IMMP2L: variants seen among roughly 807,000 people sequenced by gnomAD.
IMMP2L encodes inner mitochondrial membrane peptidase subunit 2.
IMMP2L carries 18 observed loss-of-function variants against 19.3 expected under a neutral mutation model. The ratio of observed to expected loss-of-function variants is 0.93; its 90% CI spans 0.64 to 1.38. The LOEUF is 1.38. Ranked by LOEUF, IMMP2L falls within the 40% of genes most tolerant of loss-of-function variation. The pLI, the probability that IMMP2L is intolerant of heterozygous loss-of-function variation, is 0.00. For synonymous variants in IMMP2L, 76 were observed against 73.0 expected (o/e 1.04, Z -0.21); for missense variants, 233 against 218.2 (o/e 1.07, Z -0.43).
intron 3 of IMMP2L, among the ~76,000 whole-genome samples, chr7:111,023,272 A>T (rs939769239): frequency 6.6e-6 from 1 of 152,222 alleles, no homozygotes; most frequent in African/African-American, 2.4e-5. Context: ...CTAAACACAC[A>T]TGCACTCACA....
chr7:111,051,728 T>C (rs1044776770), intron 3 of IMMP2L, among the ~76,000 whole-genome samples: 1 of 152,226 alleles, frequency 6.6e-6, no homozygotes, highest in Admixed American at 6.5e-5. Flanking sequence ...AAAGCATTTA[T>C]ACATTGAAAC....
intron 3 of IMMP2L, among the ~76,000 whole-genome samples, chr7:111,027,288 C>A (rs1057009318): frequency 3.3e-5 from 5 of 152,062 alleles, no homozygotes; most frequent in African/African-American, 9.7e-5. Flanking sequence ...TAGACAGATA[C>A]AAGAGAAACG....
chr7:111,289,415 T>C, intron 3 of IMMP2L, among the ~76,000 whole-genome samples: 1 of 147,022 alleles, frequency 6.8e-6, no homozygotes, highest in East Asian at 2.0e-4. Flanking sequence ...ACTTAAAGTA[T>C]AATTAAAAAA....
At chr7:110,836,214 C>A (rs116262073) in intron 5 of IMMP2L, among the ~76,000 whole-genome samples, 1 of 152,068 alleles carries the variant, frequency 6.6e-6, no homozygotes, top group African/African-American at 2.4e-5. Flanking sequence ...TTCTATCAAC[C>A]CACTCAATTC....
chr7:110,793,452 A>C (rs1800618763), intron 5 of IMMP2L, among the ~76,000 whole-genome samples: 1 of 131,356 alleles, frequency 7.6e-6, no homozygotes, highest in Admixed American at 7.9e-5. Flanking sequence ...AACAAACAAA[A>C]CAACTTAAAA....
chr7:111,452,477 A>G (rs1839296044), intron 3 of IMMP2L, among the ~76,000 whole-genome samples: 2 of 152,178 alleles, frequency 1.3e-5, no homozygotes, highest in Non-Finnish European at 2.9e-5. Flanking sequence ...CCAATAAATT[A>G]TATATCTCTG....
intron 5 of IMMP2L, among the ~76,000 whole-genome samples, chr7:110,861,202 AT>A (rs1426703266): frequency 6.6e-6 from 1 of 151,566 alleles, no homozygotes; most frequent in Non-Finnish European, 1.5e-5. Context: ...AGCTAAATTA[AT>A]TTTTGCTAAT....
chr7:110,802,579 A>G (rs1584877223), intron 5 of IMMP2L, among the ~76,000 whole-genome samples: 1 of 152,104 alleles, frequency 6.6e-6, no homozygotes, highest in African/African-American at 2.4e-5. Flanking sequence ...TGAGAAATAT[A>G]TAATAAAATC....
At chr7:111,224,124 C>T (rs375845028) in intron 3 of IMMP2L, among the ~76,000 whole-genome samples, 3 of 152,136 alleles carry the variant, frequency 2.0e-5, no homozygotes, top group Admixed American at 6.6e-5. Context: ...TGGGTTTACT[C>T]GTGGAGATAA....
chr7:110,836,407 T>C (rs1487005126), intron 5 of IMMP2L, among the ~76,000 whole-genome samples: 3 of 152,106 alleles, frequency 2.0e-5, no homozygotes, highest in Non-Finnish European at 2.9e-5. Context: ...ATGATAGAGG[T>C]AGGTCTTTCC....
intron 3 of IMMP2L, among the ~76,000 whole-genome samples, chr7:111,323,905 A>C (rs1825027760): frequency 6.6e-6 from 1 of 152,140 alleles, no homozygotes; most frequent in South Asian, 2.1e-4. Flanking sequence ...AAAACCAAAC[A>C]CTGCATGTTC....
intron 1 of IMMP2L, among the ~76,000 whole-genome samples, chr7:111,547,515 C>CCCCCG (rs1176712613): frequency 2.8e-4 from 41 of 147,942 alleles, no homozygotes; most frequent in African/African-American, 1.0e-3. Flanking sequence ...ACCCCCCCCC[C>CCCCCG]CTTTTTATCC....
rs541574610 is a variant in IMMP2L, at chr7:111,364,949, G to A, written c.239+122289C>T. ...CATACCACTTCACTCCAACCTGGGC[G>A]ACAGAGTGAGACTCTGTCAAAAAAA... is the stretch of plus-strand genomic sequence containing the variant. On this transcript the variant is annotated intron_variant, in intron 3 of 5. Transcript: ENST00000405709. Among the ~76,000 whole-genome samples, 6 of 148,548 alleles carry A rather than the reference G, an allele frequency of 4.0e-5. No individual in the cohort carries two copies. In the South Asian group the frequency reaches 8.5e-4, roughly 21 times the overall value.
chr7:111,187,211 A>T lies in IMMP2L; in HGVS notation c.240-223646T>A, dbSNP rs531634960. Among the ~76,000 whole-genome samples, 4 of 152,220 alleles carry T rather than the reference A, an allele frequency of 2.6e-5. No homozygotes were observed. In the South Asian group the frequency reaches 8.3e-4, roughly 32 times the overall value. On this transcript the variant is annotated intron_variant, in intron 3 of 5. Transcript: ENST00000405709. ...TCTAATAGTCTGTGGGCAGCAAGAAAATTAGGCCCTTCCCTTTCTGGCCAA... is the reference window on the plus strand; with the variant it reads ...TCTAATAGTCTGTGGGCAGCAAGAATATTAGGCCCTTCCCTTTCTGGCCAA...
chr7:111,118,260 AG>A (rs1800133968), intron 3 of IMMP2L, among the ~76,000 whole-genome samples: 1 of 152,120 alleles, frequency 6.6e-6, no homozygotes, highest in South Asian at 2.1e-4. Flanking sequence ...GCCAAAAAGT[AG>A]GTGTTGGATC....
chr7:111,321,471 A>T (rs1257012628), intron 3 of IMMP2L, among the ~76,000 whole-genome samples: 1 of 151,932 alleles, frequency 6.6e-6, no homozygotes, highest in African/African-American at 2.4e-5. Flanking sequence ...CAATGTCTCA[A>T]ATTAAATGCA....
chr7:110,982,825 G>GTGGAAA lies in IMMP2L; in HGVS notation c.240-19261_240-19260insTTTCCA, dbSNP rs555059415. On this transcript the variant is annotated intron_variant, in intron 3 of 5. Coordinates refer to ENST00000405709, the MANE Select transcript of IMMP2L (RefSeq NM_032549.4). ...GTAGGATCTTTGCAATTCAAGTCTA[G>GTGGAAA]TGTGGAAATGGTAGCTTGTAAATTC... 6.3e-3 allele frequency among the ~76,000 whole-genome samples: 965 copies of GTGGAAA among 152,202 alleles called. 13 individuals are homozygous for GTGGAAA. Among genetic ancestry groups the GTGGAAA allele is most frequent in the Non-Finnish European group, 4.5e-3 (308 of 67,962 alleles).
Position 110,688,622 on chromosome 7 carries a change from G to A in IMMP2L, c.409-24901C>T, listed in dbSNP as rs1259284651. Among the ~76,000 whole-genome samples, 3 of 151,942 alleles carry A rather than the reference G, an allele frequency of 2.0e-5. No homozygotes were observed. In the East Asian group the frequency reaches 5.8e-4, roughly 29 times the overall value. On this transcript the variant is annotated intron_variant, in intron 5 of 5. Transcript: ENST00000405709. ...AAAACTAGGACAAGTTTGCAAAAAT[G>A]TATTCTGGCAATGTCCATTATTAGT...
rs192681030 is a variant in IMMP2L at position 110,870,658 on chromosome 7, C to A, written c.408+15935G>T. The stretch of plus-strand genomic sequence containing the variant: ...AATAAAGAGCCAACCACACAAAGAC[C>A]TAAAGGAAGAGAATTCAAGGAAGAG... On this transcript the variant is annotated intron_variant, in intron 5 of 5. Coordinates refer to ENST00000405709, the MANE Select transcript of IMMP2L (RefSeq NM_032549.4). This position sits in a 1 kb window ranked among gnomAD's most constrained non-coding sequence, Gnocchi z 4.2. 5.3e-4 allele frequency among the ~76,000 whole-genome samples: 81 copies of A among 152,116 alleles called. No homozygotes were observed. Among genetic ancestry groups the A allele is most frequent in the African/African-American group, 1.6e-3 (68 of 41,502 alleles).
Sources: allele counts gnomAD v4.1 joint callset (sites outside exome capture counted in the v4.1 genomes callset), GRCh38; gene constraint gnomAD v4.1.1; non-coding constraint Gnocchi (gnomAD v3.1); transcripts MANE v1.5; gene names NCBI Gene and HGNC (gene_info 2026-07-23, HGNC 2026-07-21).